GOLGA7B: variants seen among roughly 807,000 people sequenced by gnomAD.
The protein encoded by GOLGA7B is golgin subfamily A member 7B.
Under a neutral mutation model 21.5 loss-of-function variants are expected in GOLGA7B, and 17 were observed. The ratio of observed to expected loss-of-function variants is 0.79; its 90% CI spans 0.54 to 1.19. The LOEUF is 1.19. Ranked by LOEUF, GOLGA7B falls within the 50% of genes most tolerant of loss-of-function variation. The pLI, the probability that GOLGA7B is intolerant of heterozygous loss-of-function variation, is 0.00. For missense variants in GOLGA7B, 169 were observed against 224.4 expected (o/e 0.75, Z 1.58); for synonymous variants, 87 against 84.0 (o/e 1.04, Z -0.19).
chr10:97,860,893 C>T (rs2049967305), intron 2 of GOLGA7B, among the ~76,000 whole-genome samples: 1 of 152,156 alleles, frequency 6.6e-6, no homozygotes, highest in African/African-American at 2.4e-5. Context: ...CTGACCTATC[C>T]TCCCCCTTCC....
intron 1 of GOLGA7B, among the ~76,000 whole-genome samples, chr10:97,854,681 T>C (rs2136513197): frequency 6.6e-6 from 1 of 152,326 alleles, no homozygotes; most frequent in Non-Finnish European, 1.5e-5. Flanking sequence ...TGTTGACTTA[T>C]CCTACTCTGG....
At position 97,869,842 on chromosome 10, in the gene GOLGA7B, A is replaced by G. The variant is rs1007450921; in HGVS notation, c.*4142A>G. On this transcript the variant is annotated 3_prime_UTR_variant, in exon 5 of 5. Coordinates refer to ENST00000370602, the MANE Select transcript of GOLGA7B (RefSeq NM_001010917.3). ...GGCTGTCGAGCCTGGGAAACTCCAC[A>G]TCCCTCTCCACACCTCTAGAAGGAC... 6.6e-6 allele frequency: 1 copy of G among 152,222 alleles called. No individual in the cohort carries two copies. Among genetic ancestry groups the G allele is most frequent in the Non-Finnish European group, 1.5e-5 (1 of 68,080 alleles). 9.4% of individuals were successfully genotyped at this position (152,222 alleles called of 1,614,324 possible).
At chr10:97,859,349 C>A in intron 1 of GOLGA7B, 109 bp from the exon 2 acceptor site, 1 of 1,145,992 alleles carries the variant, frequency 8.7e-7, no homozygotes, top group Middle Eastern at 2.4e-4. Flanking sequence ...ATGCTGGGAA[C>A]TTTCCTGGTG....
chr10:97,856,672 A>G (rs2049937017), intron 1 of GOLGA7B, among the ~76,000 whole-genome samples: 1 of 152,226 alleles, frequency 6.6e-6, no homozygotes, highest in African/African-American at 2.4e-5. Flanking sequence ...ACTGTTTTCC[A>G]TAGAGGTTGA....
intron 1 of GOLGA7B, among the ~76,000 whole-genome samples, chr10:97,851,426 GTTGCTTGGCA>G (rs1564863757): frequency 6.6e-6 from 1 of 152,198 alleles, no homozygotes; most frequent in Admixed American, 6.5e-5. Context: ...ACAAGGTGCT[GTTGCTTGGCA>G]TTGCTTGGCA....
At chr10:97,858,996 G>A (rs2049953790) in intron 1 of GOLGA7B, among the ~76,000 whole-genome samples, 1 of 152,254 alleles carries the variant, frequency 6.6e-6, no homozygotes, top group Non-Finnish European at 1.5e-5. Flanking sequence ...TCTTCTGTGT[G>A]TGTGTGTGTG....
In GOLGA7B at chr10:97,850,188, GA is replaced by G; in HGVS notation, c.-115del. On this transcript the variant is annotated 5_prime_UTR_variant, in exon 1 of 5. Coordinates refer to ENST00000370602, the MANE Select transcript of GOLGA7B (RefSeq NM_001010917.3). ...CCGCGGCGCCCGCATCAGCACTGCG[GA>G]CAGCGCCCCGGGCCCCAGCTCGCCG... is the stretch of plus-strand genomic sequence containing the variant. 1.7e-6 allele frequency: 1 copy of G among 583,024 alleles called. No individual in the cohort carries two copies. 36.1% of individuals were successfully genotyped at this position (583,024 alleles called of 1,614,324 possible). A position where few individuals can be genotyped will look rare whatever the true frequency, so the allele number is the denominator to read the frequency against.
rs577223414 is a variant in GOLGA7B at position 97,864,302 on chromosome 10, C to T, written c.393+33C>T. 1.9e-6 allele frequency: 3 copies of T among 1,562,708 alleles called. No homozygotes were observed. In the South Asian group the frequency reaches 3.3e-5, roughly 17 times the overall value. ...TCTGGGCTATTCTGTGTTGAGGGCA[C>T]AGGACTGCTAACCAGTAGAGATCCT... On this transcript the variant is annotated intron_variant, in intron 4 of 4. Transcript: ENST00000370602.
In GOLGA7B at chr10:97,865,526, C is replaced by A. The variant is rs368800333; in HGVS notation, c.394-64C>A. On this transcript the variant is annotated intron_variant, in intron 4 of 4. Coordinates refer to ENST00000370602, the MANE Select transcript of GOLGA7B (RefSeq NM_001010917.3). ...CCACTCCCCTGCTGGACTCCATCCG[C>A]TGGTTCATGTCCCACCCCTGCTCAG... is the stretch of plus-strand genomic sequence containing the variant. 59 of 1,589,938 alleles carry A rather than the reference C, an allele frequency of 3.7e-5. No homozygotes were observed. In the African/African-American group the frequency reaches 7.1e-4, roughly 19 times the overall value.
intron 2 of GOLGA7B, among the ~76,000 whole-genome samples, chr10:97,860,812 G>T (rs1305999365): frequency 6.6e-6 from 1 of 152,158 alleles, no homozygotes; most frequent in Non-Finnish European, 1.5e-5. Context: ...AGAGGCACCT[G>T]GGAACTTTGA....
In GOLGA7B at chr10:97,865,824, G is replaced by GCA; in HGVS notation, c.*124_*125insCA. The GCA allele has an allele frequency of 8.2e-7, 1 of 1,220,892 alleles. No homozygotes were observed. Among genetic ancestry groups the GCA allele is most frequent in the Non-Finnish European group, 1.1e-6 (1 of 909,368 alleles). The allele number at this position is 1,220,892 out of a possible 1,614,324, so 75.6% of individuals were successfully genotyped here. ...TTGGGCTCACCCTGCTGCCCGGGGT[G>GCA]GGAGGGAGGGTGACGGGCCTCATAT... On this transcript the variant is annotated 3_prime_UTR_variant, in exon 5 of 5. Transcript: ENST00000370602.
chr10:97,851,313 G>A (rs1181523018), intron 1 of GOLGA7B, among the ~76,000 whole-genome samples: 2 of 152,132 alleles, frequency 1.3e-5, no homozygotes, highest in Admixed American at 1.3e-4. Context: ...GAGAGCAGAG[G>A]CCTGTGAATG....
At chr10:97,854,822 T>G (rs2049925092) in intron 1 of GOLGA7B, among the ~76,000 whole-genome samples, 1 of 152,188 alleles carries the variant, frequency 6.6e-6, no homozygotes, top group Admixed American at 6.5e-5. Flanking sequence ...AAGTTCCAGG[T>G]AAGTGTTCCT....
chr10:97,858,190 G>C (rs56016245), intron 1 of GOLGA7B, among the ~76,000 whole-genome samples: 2,477 of 152,228 alleles, frequency 0.016, 59 homozygotes, highest in African/African-American at 0.044. Flanking sequence ...CTCAACACAG[G>C]CTTCAGGAGG....
In GOLGA7B at chr10:97,866,853, C is replaced by T. The variant is rs1405564812; in HGVS notation, c.*1153C>T. On this transcript the variant is annotated 3_prime_UTR_variant, in exon 5 of 5. Coordinates refer to ENST00000370602, the MANE Select transcript of GOLGA7B (RefSeq NM_001010917.3). ...GTGTGTGAGTGTGTTTGTGTGTTCC[C>T]CTTGGCTGCCAGGCCAACGACTGCT... 1 of 152,304 alleles carries T rather than the reference C, an allele frequency of 6.6e-6. No individual in the cohort carries two copies. Among genetic ancestry groups the T allele is most frequent in the African/African-American group, 2.4e-5 (1 of 41,390 alleles). 9.4% of individuals were successfully genotyped at this position (152,304 alleles called of 1,614,324 possible).
chr10:97,865,624 G>A lies in GOLGA7B; in HGVS notation c.428G>A (p.Ser143Asn). The change falls in exon 5 of 5, where the codon AGT becomes AAT. Residue 143 changes from serine to asparagine, a missense_variant. By Grantham distance (46) the Ser-to-Asn change is conservative (BLOSUM62 1). Transcript: ENST00000370602. ...TCCATCTACGAGGACCGGTGCAGCA[G>A]TGGCAGCTCCAGCAGCGGCAGCAGC... ...EISIYEDRCS[S>N]GSSSSGSSSG... is the part of the protein sequence containing the mutation. 2 of 1,613,526 alleles carry A rather than the reference G, an allele frequency of 1.2e-6. No homozygotes were observed. The highest frequency in any genetic ancestry group is 1.7e-5 in the Admixed American group (1 of 60,008).
At position 97,867,320 on chromosome 10, in the gene GOLGA7B, T is replaced by C. The variant is rs1345412142; in HGVS notation, c.*1620T>C. On this transcript the variant is annotated 3_prime_UTR_variant, in exon 5 of 5. Coordinates refer to ENST00000370602, the MANE Select transcript of GOLGA7B (RefSeq NM_001010917.3). ...GTGGGATGGGAGCAGCCCCTGGGGC[T>C]GGTGTCCCGAAGATGAAATGAAGGG... is the stretch of plus-strand genomic sequence containing the variant. 3 of 152,242 alleles carry C rather than the reference T, an allele frequency of 2.0e-5. No individual in the cohort carries two copies. The allele number at this position is 152,242 out of a possible 1,614,324, so 9.4% of individuals were successfully genotyped here.
Position 97,859,322 on chromosome 10 carries a change from G to A in GOLGA7B, c.13-136G>A, listed in dbSNP as rs1279261322. The A allele has an allele frequency of 2.2e-5, 18 of 826,216 alleles. No homozygotes were observed. In the Admixed American group the frequency reaches 3.0e-4, roughly 14 times the overall value. The allele number at this position is 826,216 out of a possible 1,614,324, so 51.2% of individuals were successfully genotyped here. ...TGGCCTCTTGGAGCACCTGTAGAGT[G>A]CCCAGCTTGTCTCTGCATGCTGGGA... On this transcript the variant is annotated intron_variant, in intron 1 of 4. Coordinates refer to ENST00000370602, the MANE Select transcript of GOLGA7B (RefSeq NM_001010917.3).
chr10:97,868,914 ACT>A lies in GOLGA7B; in HGVS notation c.*3217_*3218del, dbSNP rs1470379065. 1 of 148,180 alleles carries A rather than the reference ACT, an allele frequency of 6.7e-6. No homozygotes were observed. The highest frequency in any genetic ancestry group is 2.0e-4 in the East Asian group (1 of 5,062). 9.2% of individuals were successfully genotyped at this position (148,180 alleles called of 1,614,324 possible). A position where few individuals can be genotyped will look rare whatever the true frequency, so the allele number is the denominator to read the frequency against. On this transcript the variant is annotated 3_prime_UTR_variant, in exon 5 of 5. Transcript: ENST00000370602. Reference sequence around the variant, plus strand: ...CCTATGTGCCAGGCACTAGGCTAAGACTCTACATAATTAGTCATTCAATTCTC... The same window carrying A: ...CCTATGTGCCAGGCACTAGGCTAAGACTACATAATTAGTCATTCAATTCTC...
Sources: gnomAD v4.1 joint callset for allele counts (sites outside exome capture counted in the v4.1 genomes callset) on GRCh38, gnomAD v4.1.1 for gene constraint, MANE v1.5 for transcripts, NCBI Gene and HGNC (gene_info 2026-07-23, HGNC 2026-07-21) for gene names.